The following FCHSD2 variants were observed in gnomAD, a reference collection of about 807,000 sequenced individuals.
FCHSD2 encodes the protein FCH and double SH3 domains 2.
In FCHSD2, 38 loss-of-function variants were observed where a neutral mutation model predicts 108.1. The observed-to-expected ratio is 0.35, with a 90% CI of 0.27 to 0.46. The LOEUF (loss-of-function observed/expected upper bound fraction) is 0.46. Ranked by LOEUF, FCHSD2 falls within the 20% of genes least tolerant of loss-of-function variation. FCHSD2 has a pLI of 1.00. For missense variants in FCHSD2, 751 were observed against 897.8 expected (o/e 0.84, Z 2.09); for synonymous variants, 279 against 314.7 (o/e 0.89, Z 1.20).
chr11:72,868,720 A>T (rs1854785695), intron 12 of FCHSD2, among the ~76,000 whole-genome samples: 1 of 151,600 alleles, frequency 6.6e-6, no homozygotes, highest in Non-Finnish European at 1.5e-5. Context: ...CAAACAAACA[A>T]ACCAAGAAAC....
At chr11:73,131,752 T>C (rs946471832) in intron 2 of FCHSD2, among the ~76,000 whole-genome samples, 12 of 151,676 alleles carry the variant, frequency 7.9e-5, no homozygotes, top group Admixed American at 7.2e-4. Flanking sequence ...CACCATTAAC[T>C]GCAAGACACA....
chr11:73,113,584 G>A (rs1243644079), intron 2 of FCHSD2, among the ~76,000 whole-genome samples: 1 of 151,922 alleles, frequency 6.6e-6, no homozygotes, highest in African/African-American at 2.4e-5. Context: ...GCCAAGACTT[G>A]GCCTTGATGC....
At chr11:72,841,340 CAAAAAAA>C (rs59748827) in intron 18 of FCHSD2, 107 bp downstream of exon 18, 734 of 373,074 alleles carry the variant, frequency 2.0e-3, no homozygotes, top group East Asian at 2.7e-3. Context: ...ACTCTGTCTC[CAAAAAAA>C]AAAAAAAAAA....
At chr11:73,128,392 C>T (rs1324226663) in intron 2 of FCHSD2, among the ~76,000 whole-genome samples, 5 of 152,080 alleles carry the variant, frequency 3.3e-5, no homozygotes, top group African/African-American at 1.2e-4. Flanking sequence ...CCACCACTAC[C>T]TTTTTTGTTT....
intron 2 of FCHSD2, among the ~76,000 whole-genome samples, chr11:73,111,515 G>T (rs1860485597): frequency 6.8e-6 from 1 of 146,084 alleles, no homozygotes; most frequent in Admixed American, 6.9e-5. Flanking sequence ...TGTGTTTCCT[G>T]TAGGCAACAG....
rs1165940606 is a variant in FCHSD2, at chr11:73,064,622, GATCAGTGGTGATATCCTTAT to G, written c.165+19053_165+19072del. 5.3e-5 allele frequency among the ~76,000 whole-genome samples: 8 copies of G among 152,012 alleles called. 1 individual carries two copies. The highest frequency in any genetic ancestry group is 1.3e-4 in the Admixed American group (2 of 15,262). On this transcript the variant is annotated intron_variant, in intron 3 of 19. Transcript: ENST00000409418. ...ATAAGGGATATCACTGATTCTGTGG[GATCAGTGGTGATATCCTTAT>G]ATCAGTGGTGATATCCTGTGGGATA... is the stretch of plus-strand genomic sequence containing the variant.
At chr11:73,083,557 G>GAAA in intron 3 of FCHSD2, 138 bp downstream of exon 3, 95 of 498,684 alleles carry the variant, frequency 1.9e-4, no homozygotes, top group South Asian at 3.3e-4. Context: ...CAGAAAAAAA[G>GAAA]AAAAAAAAAA....
intron 5 of FCHSD2, among the ~76,000 whole-genome samples, chr11:72,990,357 T>A (rs908138287): frequency 2.0e-5 from 3 of 152,164 alleles, no homozygotes; most frequent in Admixed American, 6.5e-5. Flanking sequence ...AAATTAACTA[T>A]AAATATCTGA....
intron 12 of FCHSD2, among the ~76,000 whole-genome samples, chr11:72,879,633 T>C (rs1425200146): frequency 6.6e-6 from 1 of 152,154 alleles, no homozygotes; most frequent in African/African-American, 2.4e-5. Context: ...ATTCACAAGA[T>C]GGCCTTAACA....
intron 5 of FCHSD2, among the ~76,000 whole-genome samples, chr11:72,992,790 A>G (rs1319660876): frequency 6.6e-6 from 1 of 152,232 alleles, no homozygotes; most frequent in African/African-American, 2.4e-5. Flanking sequence ...TGTTAGACCT[A>G]AAACCATAAA....
chr11:73,047,707 A>T (rs977108522), intron 3 of FCHSD2, among the ~76,000 whole-genome samples: 1 of 152,194 alleles, frequency 6.6e-6, no homozygotes, highest in Non-Finnish European at 1.5e-5. Context: ...TTTGGCATCA[A>T]TGTGACCCCA....
chr11:72,845,201 A>C (rs997092040), intron 14 of FCHSD2, among the ~76,000 whole-genome samples: 1 of 152,152 alleles, frequency 6.6e-6, no homozygotes, highest in East Asian at 1.9e-4. Context: ...TGGGTGGATC[A>C]CTTGAGGCCA....
At chr11:72,895,446 T>C (rs1855398477) in intron 10 of FCHSD2, among the ~76,000 whole-genome samples, 1 of 152,214 alleles carries the variant, frequency 6.6e-6, no homozygotes, top group African/African-American at 2.4e-5. Context: ...GAGGCATGGT[T>C]AGATGGAACA....
intron 8 of FCHSD2, among the ~76,000 whole-genome samples, chr11:72,929,010 G>A (rs991427523): frequency 2.6e-5 from 4 of 151,888 alleles, no homozygotes; most frequent in African/African-American, 7.3e-5. Flanking sequence ...GCTGAGAATG[G>A]TGGTTTCCAG....
At chr11:72,967,218 T>C (rs1190680591) in intron 8 of FCHSD2, among the ~76,000 whole-genome samples, 2 of 143,844 alleles carry the variant, frequency 1.4e-5, no homozygotes, top group Non-Finnish European at 3.0e-5. Flanking sequence ...AAAAAAAAAG[T>C]TAAGAAAGTA....
intron 14 of FCHSD2, among the ~76,000 whole-genome samples, chr11:72,848,708 C>G (rs915496310): frequency 6.6e-6 from 1 of 152,112 alleles, no homozygotes; most frequent in African/African-American, 2.4e-5. Context: ...GATATGCCAA[C>G]AGAGGGAATG....
At chr11:72,863,910 G>A (rs963542405) in intron 13 of FCHSD2, among the ~76,000 whole-genome samples, 56 of 152,306 alleles carry the variant, frequency 3.7e-4, no homozygotes, top group African/African-American at 1.3e-3. Flanking sequence ...AACCACTTTG[G>A]AAAACAGTTT....
At chr11:72,910,286 T>C (rs1303599971) in intron 9 of FCHSD2, among the ~76,000 whole-genome samples, 1 of 150,606 alleles carries the variant, frequency 6.6e-6, no homozygotes, top group African/African-American at 2.4e-5. Flanking sequence ...AGGAGCGCCT[T>C]TGTCCGGCCG....
intron 8 of FCHSD2, among the ~76,000 whole-genome samples, chr11:72,972,400 T>C (rs1486221015): frequency 6.6e-6 from 1 of 152,218 alleles, no homozygotes; most frequent in East Asian, 1.9e-4. Context: ...CCAAACTATA[T>C]TTCAAGGTGC....
Sources: gnomAD v4.1 joint callset for allele counts (sites outside exome capture counted in the v4.1 genomes callset) on GRCh38, gnomAD v4.1.1 for gene constraint, MANE v1.5 for transcripts, NCBI Gene and HGNC (gene_info 2026-07-23, HGNC 2026-07-21) for gene names.